Variants in ENG observed in about 807,000 individuals in gnomAD.
The protein encoded by ENG is endoglin, also known as CD105 antigen.
A neutral mutation model predicts 71.0 loss-of-function variants in ENG; 17 were observed. The ratio of observed to expected loss-of-function variants is 0.24; its 90% confidence interval spans 0.16 to 0.36. ENG has a LOEUF of 0.36. Ranked by LOEUF, ENG falls within the 10% of genes least tolerant of loss-of-function variation. The probability of loss-of-function intolerance (pLI) is 1.00; values close to 1 mark genes in which losing one functional copy is unlikely to be tolerated. For missense variants in ENG, 749 were observed against 868.3 expected, an observed-to-expected ratio of 0.86 and a Z score of 1.73; for synonymous variants, 360 against 366.9, an observed-to-expected ratio of 0.98 and a Z score of 0.21.
At chr9:127,829,637 G>A in intron 3 of ENG, 50 bp downstream of exon 3, 3 of 1,610,874 alleles carry the variant, frequency 1.9e-6, no homozygotes, top group Non-Finnish European at 2.5e-6. Context: ...GGACAGTAGG[G>A]ACCTCCCATG....
chr9:127,835,618 A>G (rs967374247), intron 2 of ENG, among the ~76,000 whole-genome samples: 8 of 152,188 alleles, frequency 5.3e-5, no homozygotes, highest in African/African-American at 1.9e-4. Flanking sequence ...CTGGTGGCCA[A>G]GCCCTGAGTG....
Position 127,815,509 on chromosome 9 carries a change from G to A in ENG, c.*173C>T. 7.6e-7 allele frequency: 1 copy of A among 1,314,286 alleles called. No homozygotes were observed. Among genetic ancestry groups the A allele is most frequent in the Non-Finnish European group, 1.0e-6 (1 of 987,268 alleles). The allele number at this position is 1,314,286 out of a possible 1,614,324, so 81.4% of individuals were successfully genotyped here. A position where few individuals can be genotyped will look rare whatever the true frequency, so the allele number is the denominator to read the frequency against. ...GTGGAGGGACCCCAAGGTGTTCCAA[G>A]CCAGTGGCTGCACTGGCAGCAGGCC... On this transcript the variant is annotated 3_prime_UTR_variant, in exon 15 of 15. Coordinates refer to ENST00000373203, the MANE Select transcript of ENG (RefSeq NM_001114753.3).
intron 2 of ENG, among the ~76,000 whole-genome samples, chr9:127,830,946 T>C (rs989221138): frequency 6.6e-6 from 1 of 152,092 alleles, no homozygotes; most frequent in Non-Finnish European, 1.5e-5. Context: ...TATTTTGATA[T>C]AAGAATGTGA....
intron 8 of ENG, 90 bp from the exon 9 acceptor site, chr9:127,820,127 G>T: frequency 1.3e-6 from 2 of 1,523,636 alleles, no homozygotes; most frequent in Non-Finnish European, 1.8e-6. Flanking sequence ...ACAACCCAGG[G>T]GTCCCAAGTC....
chr9:127,816,617 G>A, intron 13 of ENG: 1 of 244,068 alleles, frequency 4.1e-6, no homozygotes. Context: ...CCTGGGCTGG[G>A]AGTGGAGGCT....
At chr9:127,817,926 A>G in intron 12 of ENG, 194 bp downstream of exon 12, 2 of 746,748 alleles carry the variant, frequency 2.7e-6, no homozygotes, top group Middle Eastern at 3.9e-4. Flanking sequence ...TGCCCCAGAC[A>G]CAGCAGTCCC....
At chr9:127,817,998 T>G in intron 12 of ENG, 122 bp downstream of exon 12, 6 of 1,524,738 alleles carry the variant, frequency 3.9e-6, no homozygotes, top group Non-Finnish European at 5.4e-6. Flanking sequence ...GCCACATGCC[T>G]GATTAAGGCT....
At position 127,840,675 on chromosome 9, in the gene ENG, C is replaced by T. The variant is rs886827929; in HGVS notation, c.219+2419G>A. On this transcript the variant is annotated intron_variant, in intron 2 of 14. Coordinates refer to ENST00000373203, the MANE Select transcript of ENG (RefSeq NM_001114753.3). ...CACCCTCTGCACACCAGATGCTATG[C>T]GAGGTGCTGGCCAGGGACAGATCCA... Among the ~76,000 whole-genome samples, 4 of 152,160 alleles carry T rather than the reference C, an allele frequency of 2.6e-5. No individual in the cohort carries two copies. In the South Asian group the frequency reaches 8.3e-4, roughly 32 times the overall value.
rs112523405 is a variant in ENG at position 127,826,972 on chromosome 9, C to T, written c.361-300G>A. 126 of 419,072 alleles carry T rather than the reference C, an allele frequency of 3.0e-4. 1 individual carries two copies. The highest frequency in any genetic ancestry group is 2.3e-3 in the South Asian group (105 of 45,748). The allele number at this position is 419,072 out of a possible 1,614,324, so 26.0% of individuals were successfully genotyped here. ...TTCAACCCACATCTACGCCATCCTG[C>T]GGCTGTCTCTCCCTATACCCTGAGG... On this transcript the variant is annotated intron_variant, in intron 3 of 14. Coordinates refer to ENST00000373203, the MANE Select transcript of ENG (RefSeq NM_001114753.3).
chr9:127,843,134 G>A lies in ENG; in HGVS notation c.179C>T (p.Ala60Val), dbSNP rs146100407. The A allele has an allele frequency of 6.2e-6, 10 of 1,614,224 alleles. No individual in the cohort carries two copies. Among genetic ancestry groups the A allele is most frequent in the Non-Finnish European group, 7.6e-6 (9 of 1,180,038 alleles). The change falls in exon 2 of 15, where the codon GCC becomes GTC. Residue 60 changes from alanine to valine, a missense_variant. Transcript: ENST00000373203. ...SKGCVAQAPN[A>V]ILEVHVLFLE... is the part of the protein sequence containing the mutation. ...GAAGAGGACATGGACTTCAAGGATG[G>A]CATTGGGGGCCTGAGCCACGCAGCC...
At position 127,818,193 on chromosome 9, in the gene ENG, G is replaced by A; in HGVS notation, c.1613C>T (p.Thr538Ile). 6.2e-7 allele frequency: 1 copy of A among 1,614,234 alleles called. No individual in the cohort carries two copies. The highest frequency in any genetic ancestry group is 1.7e-5 in the Admixed American group (1 of 60,036). ...GGTGCCGGTTTTGGGTATGGGTACT[G>A]TGTAGAAGTGGAGGAGGAAGCTGAA... ...PRFSFLLHFY[T>I]VPIPKTGTLS... The change falls in exon 12 of 15, where the codon ACA becomes ATA. Residue 538 changes from threonine to isoleucine, a missense_variant. By Grantham distance (89) the Thr-to-Ile change is moderately conservative (BLOSUM62 -1). Transcript: ENST00000373203.
intron 8 of ENG, among the ~76,000 whole-genome samples, chr9:127,820,784 G>A (rs1242518492): frequency 6.6e-6 from 1 of 151,000 alleles, no homozygotes; most frequent in Non-Finnish European, 1.5e-5. Context: ...AGCCGAGATC[G>A]CACCATTGCA....
At chr9:127,816,086 T>G in intron 13 of ENG, 33 bp from the exon 14 acceptor site, 1 of 1,599,140 alleles carries the variant, frequency 6.3e-7, no homozygotes. Context: ...GCACTGCCAC[T>G]CTGCCCCTGC....
Position 127,817,195 on chromosome 9 carries a change from A to C in ENG, c.1695T>G (p.His565Gln), listed in dbSNP as rs750637713. The C allele has an allele frequency of 1.9e-6, 3 of 1,614,180 alleles. No individual in the cohort carries two copies. In the Admixed American group the frequency reaches 5.0e-5, roughly 27 times the overall value. Reference protein sequence around the residue: ...PKTGSQDQEVHRTVFMRLNII... With the variant: ...PKTGSQDQEVQRTVFMRLNII... ...TGTTCAAGCGCATGAAGACAGTCCT[A>C]TGGACTTCCTGGAGGAGAAAGAGAG... Residue 565 changes from histidine (H) to glutamine (Q), a missense_variant, in exon 13 of 15, where the codon CAT becomes CAG. His to Gln is a conservative substitution (Grantham distance 24, BLOSUM62 0). Transcript: ENST00000373203.
chr9:127,846,849 C>A lies in ENG; in HGVS notation c.68-3604G>T. On this transcript the variant is annotated intron_variant, in intron 1 of 14. Transcript: ENST00000373203. The surrounding 1 kb of genome is among the most constrained non-coding windows in gnomAD (Gnocchi z 5.5). ...GGTGACTGGAACCCCAAGTGAGAGA[C>A]CCAGAAGCCACCTCCCACCACTGTC... 1 of 985,378 alleles carries A rather than the reference C, an allele frequency of 1.0e-6. No individual in the cohort carries two copies. The highest frequency in any genetic ancestry group is 1.2e-6 in the Non-Finnish European group (1 of 829,926). 61.0% of individuals were successfully genotyped at this position (985,378 alleles called of 1,614,324 possible).
At chr9:127,824,485 G>A (rs1042290957) in intron 7 of ENG, 39 bp from the exon 8 acceptor site, 2 of 1,472,036 alleles carry the variant, frequency 1.4e-6, no homozygotes, top group Non-Finnish European at 1.9e-6. Flanking sequence ...GCTGGTCACT[G>A]TGTGATCACT....
intron 1 of ENG, among the ~76,000 whole-genome samples, chr9:127,851,464 C>T (rs562014651): frequency 1.1e-4 from 16 of 152,174 alleles, no homozygotes; most frequent in African/African-American, 3.1e-4. Context: ...AGGTGATCCA[C>T]CCGCCTCAGC....
At chr9:127,832,069 C>CTTT (rs1041729379) in intron 2 of ENG, among the ~76,000 whole-genome samples, 256 of 83,574 alleles carry the variant, frequency 3.1e-3, no homozygotes, top group African/African-American at 4.0e-3. Flanking sequence ...AGCTACCATT[C>CTTT]TTTTTTTTTT....
intron 5 of ENG, 131 bp downstream of exon 5, chr9:127,825,564 A>T (rs1830590325): frequency 3.3e-6 from 4 of 1,230,212 alleles, no homozygotes; most frequent in South Asian, 1.4e-5. Flanking sequence ...CTGTGCTCTC[A>T]CAGGGCTGCG....
Sources: gnomAD v4.1 joint callset for allele counts (sites outside exome capture counted in the v4.1 genomes callset) on GRCh38, gnomAD v4.1.1 for gene constraint, Gnocchi (gnomAD v3.1) non-coding constraint, MANE v1.5 for transcripts, NCBI Gene and HGNC (gene_info 2026-07-23, HGNC 2026-07-21) for gene names.